ACTR1A: variants seen among roughly 807,000 people sequenced by gnomAD.
The protein encoded by ACTR1A is alpha-centractin.
Under a neutral mutation model 50.7 loss-of-function variants are expected in ACTR1A, and 10 were observed. That is an observed-to-expected ratio of 0.20 (90% CI 0.12 to 0.33). ACTR1A has a LOEUF of 0.33. ACTR1A is among the 10% of genes least tolerant of loss of function. ACTR1A has a pLI of 1.00. For synonymous variants in ACTR1A, 177 were observed against 184.2 expected (o/e 0.96, Z 0.32); for missense variants, 253 against 491.7 (o/e 0.51, Z 4.59).
chr10:102,495,683 T>C (rs1284213263), intron 1 of ACTR1A, among the ~76,000 whole-genome samples: 4 of 150,932 alleles, frequency 2.7e-5, no homozygotes, highest in Admixed American at 2.0e-4. Context: ...GAGCCGAGAT[T>C]GCGCCACTGC....
intron 5 of ACTR1A, 99 bp from the exon 6 acceptor site, chr10:102,484,475 T>C: frequency 2.9e-6 from 3 of 1,048,828 alleles, no homozygotes; most frequent in South Asian, 2.9e-5. Context: ...AACTAAAGCT[T>C]GGGCCTGCCT....
At chr10:102,485,507 G>A (rs1178796879) in intron 5 of ACTR1A, 102 bp downstream of exon 5, 1 of 1,493,364 alleles carries the variant, frequency 6.7e-7, no homozygotes, top group Admixed American at 1.9e-5. Context: ...CCCTAGCAGA[G>A]GGGGCTCAAG....
chr10:102,487,231 C>A (rs1394415195), intron 4 of ACTR1A, among the ~76,000 whole-genome samples: 1 of 152,116 alleles, frequency 6.6e-6, no homozygotes, highest in East Asian at 1.9e-4. Context: ...GCCTGGGCAA[C>A]ATGGCAAAAC....
chr10:102,484,216 C>T lies in ACTR1A; in HGVS notation c.601G>A (p.Glu201Lys). The stretch of plus-strand genomic sequence containing the variant: ...GAGGATGAGTGGAAGTCGTAGCCCT[C>T]CTTACGCAGGTAGAGGCGCAGGAAG... Reference protein sequence around the residue: ...SRFLRLYLRKEGYDFHSSSEF... With the variant: ...SRFLRLYLRKKGYDFHSSSEF... The change falls in exon 6 of 11, where the codon GAG (glutamate) becomes AAG (lysine). Residue 201 changes from glutamate to lysine, a missense_variant. This residue lies in a region of ACTR1A where 116 missense variants were observed against 155.9 expected (regional missense o/e 0.74). Coordinates refer to ENST00000369905, the MANE Select transcript of ACTR1A (RefSeq NM_005736.4). The T allele has an allele frequency of 6.2e-7, 1 of 1,614,218 alleles. No individual in the cohort carries two copies. The highest frequency in any genetic ancestry group is 8.5e-7 in the Non-Finnish European group (1 of 1,180,038).
chr10:102,495,217 C>G lies in ACTR1A; in HGVS notation c.49-4604G>C, dbSNP rs760570177. On this transcript the variant is annotated intron_variant, in intron 1 of 10. Transcript: ENST00000369905. ...AGGGCTGCAGTGAGCTGTGATCTTG[C>G]CACTGCACTCCAGACTGGGCGATAG... 1.2e-4 allele frequency among the ~76,000 whole-genome samples: 19 copies of G among 152,090 alleles called. No individual in the cohort carries two copies. The Middle Eastern group carries it at 0.017, about 136-fold the overall frequency.
intron 2 of ACTR1A, among the ~76,000 whole-genome samples, 179 bp from the exon 3 acceptor site, chr10:102,489,317 CATGT>C (rs1564649487): frequency 6.6e-6 from 1 of 151,836 alleles, no homozygotes; most frequent in Non-Finnish European, 1.5e-5. Flanking sequence ...CTAAAATGAA[CATGT>C]ATTATTTATA....
chr10:102,487,470 A>G (rs957707809), intron 4 of ACTR1A, among the ~76,000 whole-genome samples: 5 of 151,944 alleles, frequency 3.3e-5, no homozygotes, highest in Admixed American at 2.0e-4. Flanking sequence ...AGATGGGAGG[A>G]TTACTTGAGC....
chr10:102,500,883 G>A (rs2062247530), intron 1 of ACTR1A, among the ~76,000 whole-genome samples: 1 of 151,734 alleles, frequency 6.6e-6, no homozygotes, highest in South Asian at 2.1e-4. Flanking sequence ...GACCAGCCTG[G>A]ACAACATGGT....
At chr10:102,494,650 ACC>A (rs1404468702) in intron 1 of ACTR1A, among the ~76,000 whole-genome samples, 2 of 151,552 alleles carry the variant, frequency 1.3e-5, no homozygotes, top group African/African-American at 2.4e-5. Flanking sequence ...CAACCAACCA[ACC>A]AACCAAACAA....
At chr10:102,489,179 T>C in intron 2 of ACTR1A, 41 bp from the exon 3 acceptor site, 1 of 1,464,850 alleles carries the variant, frequency 6.8e-7, no homozygotes, top group Non-Finnish European at 9.2e-7. Flanking sequence ...TTTCATTTCA[T>C]GACAGAACAC....
chr10:102,484,826 G>T (rs1045343008), intron 5 of ACTR1A, among the ~76,000 whole-genome samples: 3 of 152,194 alleles, frequency 2.0e-5, no homozygotes, highest in African/African-American at 7.2e-5. Flanking sequence ...GGGGACCTTT[G>T]TCAGCCTCCC....
Position 102,482,782 on chromosome 10 carries a change from A to G in ACTR1A, c.750+229T>C. 1.9e-6 allele frequency: 1 copy of G among 529,408 alleles called. No individual in the cohort carries two copies. The highest frequency in any genetic ancestry group is 5.1e-4 in the Middle Eastern group (1 of 1,972). 32.8% of individuals were successfully genotyped at this position (529,408 alleles called of 1,614,324 possible). A position where few individuals can be genotyped will look rare whatever the true frequency, so the allele number is the denominator to read the frequency against. On this transcript the variant is annotated intron_variant, in intron 7 of 10. Transcript: ENST00000369905. The surrounding 1 kb of genome is among the most constrained non-coding windows in gnomAD (Gnocchi z 5.6). ...AACACTAATGACAGCTGCTGAGCTA[A>G]AAAAAAAAATTGCAAAAGAATCTCA...
intron 1 of ACTR1A, among the ~76,000 whole-genome samples, chr10:102,500,205 G>A (rs1189648838): frequency 6.6e-6 from 1 of 152,052 alleles, no homozygotes; most frequent in Middle Eastern, 3.4e-3. Flanking sequence ...AGGCCAAGGC[G>A]GGTGGATCAT....
chr10:102,480,680 C>T lies in ACTR1A; in HGVS notation c.*183G>A, dbSNP rs1190233047. ...CCCAGGCCTCAGGCCATCACCACTG[C>T]AGGTAGTTCATCGTCCTTTCTGGGC... On this transcript the variant is annotated 3_prime_UTR_variant, in exon 11 of 11. Coordinates refer to ENST00000369905, the MANE Select transcript of ACTR1A (RefSeq NM_005736.4). The T allele has an allele frequency of 6.1e-5, 38 of 622,818 alleles. No individual in the cohort carries two copies. In the Middle Eastern group the frequency reaches 1.3e-3, roughly 21 times the overall value. The allele number at this position is 622,818 out of a possible 1,614,324, so 38.6% of individuals were successfully genotyped here. A position where few individuals can be genotyped will look rare whatever the true frequency, so the allele number is the denominator to read the frequency against.
At position 102,481,187 on chromosome 10, in the gene ACTR1A, G is replaced by A; in HGVS notation, c.988-15C>T. 6.3e-7 allele frequency: 1 copy of A among 1,575,886 alleles called. No individual in the cohort carries two copies. Among genetic ancestry groups the A allele is most frequent in the South Asian group, 1.2e-5 (1 of 85,324 alleles). ...GGTGCAGATATCTGCAAAGGTGGGGGAAAGAGGAATCTGAGACTTCCAGCC... is the reference window on the plus strand; with the variant it reads ...GGTGCAGATATCTGCAAAGGTGGGGAAAAGAGGAATCTGAGACTTCCAGCC... On this transcript the variant is annotated splice_polypyrimidine_tract_variant and intron_variant, in intron 9 of 10. Coordinates refer to ENST00000369905, the MANE Select transcript of ACTR1A (RefSeq NM_005736.4).
At chr10:102,491,225 T>C (rs1213421153) in intron 1 of ACTR1A, among the ~76,000 whole-genome samples, 1 of 152,134 alleles carries the variant, frequency 6.6e-6, no homozygotes, top group African/African-American at 2.4e-5. Context: ...ACAGAAAACC[T>C]GGGGAAAGAA....
chr10:102,497,673 G>T lies in ACTR1A; in HGVS notation c.48+4927C>A, dbSNP rs76946003. On this transcript the variant is annotated intron_variant, in intron 1 of 10. Coordinates refer to ENST00000369905, the MANE Select transcript of ACTR1A (RefSeq NM_005736.4). ...CACAATTTTTTTTTTTAAAGAGATG[G>T]GGGTCTTGCTGTATTGCCCAGGCTG... Among the ~76,000 whole-genome samples the T allele has an allele frequency of 2.5e-4, 38 of 152,020 alleles. No homozygotes were observed. The East Asian group carries it at 7.1e-3, about 29-fold the overall frequency.
At chr10:102,487,832 C>T (rs7358268) in intron 4 of ACTR1A, among the ~76,000 whole-genome samples, 53,338 of 151,534 alleles carry the variant, frequency 0.35, 9,560 homozygotes, top group African/African-American at 0.39. Flanking sequence ...AGGGTTTCAC[C>T]GTGTTAGCCA....
At chr10:102,487,477 G>A (rs1335107431) in intron 4 of ACTR1A, among the ~76,000 whole-genome samples, 1 of 152,056 alleles carries the variant, frequency 6.6e-6, no homozygotes, top group South Asian at 2.1e-4. Context: ...AGGATTACTT[G>A]AGCCCAGGAG....
Sources: gnomAD v4.1 joint callset for allele counts (sites outside exome capture counted in the v4.1 genomes callset) on GRCh38, gnomAD v4.1.1 for gene constraint, gnomAD v4.1.1 regional missense constraint, Gnocchi (gnomAD v3.1) non-coding constraint, MANE v1.5 for transcripts, NCBI Gene and HGNC (gene_info 2026-07-23, HGNC 2026-07-21) for gene names.